The following EXD3 variants were observed in gnomAD, a reference collection of about 807,000 sequenced individuals.
The protein encoded by EXD3 is exonuclease 3'-5' domain containing 3, also known as exonuclease mut-7 homolog.
Under a neutral mutation model 98.0 loss-of-function variants are expected in EXD3, and 92 were observed. The ratio of observed to expected loss-of-function variants is 0.94; its 90% confidence interval spans 0.79 to 1.12. The LOEUF is 1.12. Ranked by LOEUF, EXD3 falls within the 50% of genes most tolerant of loss-of-function variation. The pLI is 0.00. For missense variants in EXD3, 1,222 were observed against 1,191.6 expected, an observed-to-expected ratio of 1.03 and a Z score of -0.38; for synonymous variants, 569 against 526.0, an observed-to-expected ratio of 1.08 and a Z score of -1.12.
intron 17 of EXD3, chr9:137,343,461 G>C (rs1256916365): frequency 6.6e-6 from 1 of 151,134 alleles, no homozygotes; most frequent in Non-Finnish European, 1.5e-5. Flanking sequence ...GCAGTGCTTG[G>C]AAGTAGCAAA....
At chr9:137,400,540 T>C (rs11522299) in intron 1 of EXD3, among the ~76,000 whole-genome samples, 123,715 of 152,104 alleles carry the variant, frequency 0.81, 50,682 homozygotes, top group East Asian at 0.98. Context: ...CCGAGGAGGG[T>C]GGATCACCTG....
intron 7 of EXD3, chr9:137,365,808 T>G (rs546182879): frequency 3.0e-6 from 1 of 334,546 alleles, no homozygotes; most frequent in Non-Finnish European, 5.8e-6. Context: ...CACACACATG[T>G]ACACATCATA....
intron 3 of EXD3, among the ~76,000 whole-genome samples, chr9:137,380,404 AC>A (rs2131709540): frequency 5.6e-5 from 1 of 17,858 alleles, no homozygotes; most frequent in Non-Finnish European, 1.0e-4. Flanking sequence ...CTCCTCCCCA[AC>A]CCCCCTCCAG....
chr9:137,327,639 C>G (rs1381785430), intron 17 of EXD3, among the ~76,000 whole-genome samples: 2 of 149,992 alleles, frequency 1.3e-5, no homozygotes, highest in Non-Finnish European at 1.5e-5. Context: ...AATATACACC[C>G]ATATGATGAG....
chr9:137,352,491 G>T, intron 11 of EXD3, 129 bp downstream of exon 11: 1 of 1,023,022 alleles, frequency 9.8e-7, no homozygotes, highest in Non-Finnish European at 1.4e-6. Flanking sequence ...GTATAGCTGC[G>T]CTCTTTGTTT....
At chr9:137,376,151 T>C (rs1835887397) in intron 3 of EXD3, among the ~76,000 whole-genome samples, 2 of 151,776 alleles carry the variant, frequency 1.3e-5, no homozygotes, top group African/African-American at 4.8e-5. Context: ...GAGACCAGCC[T>C]GGCTAACACA....
At chr9:137,314,940 C>G (rs1831564071) in intron 19 of EXD3, among the ~76,000 whole-genome samples, 1 of 152,202 alleles carries the variant, frequency 6.6e-6, no homozygotes, top group Admixed American at 6.5e-5. Flanking sequence ...GCACCAGGGA[C>G]ACGGGCGTCT....
chr9:137,352,960 C>A (rs891185280), intron 10 of EXD3, 174 bp from the exon 11 acceptor site: 8 of 1,413,640 alleles, frequency 5.7e-6, no homozygotes, highest in Non-Finnish European at 7.3e-6. Flanking sequence ...GTCAAGGTTC[C>A]ACAGGACCAA....
chr9:137,346,997 G>A (rs975291090), intron 17 of EXD3, among the ~76,000 whole-genome samples: 3 of 152,060 alleles, frequency 2.0e-5, no homozygotes, highest in Admixed American at 1.3e-4. Flanking sequence ...TGTATTTTTA[G>A]GAGAGACAGG....
At chr9:137,398,887 C>A (rs1837352090) in intron 1 of EXD3, among the ~76,000 whole-genome samples, 3 of 151,478 alleles carry the variant, frequency 2.0e-5, no homozygotes, top group Non-Finnish European at 4.4e-5. Flanking sequence ...GACACACATG[C>A]ACCCGCGTCC....
Position 137,373,016 on chromosome 9 carries a change from G to T in EXD3, c.351C>A (p.Ser117Arg). 1.2e-6 allele frequency: 2 copies of T among 1,604,758 alleles called. No homozygotes were observed. Among genetic ancestry groups the T allele is most frequent in the Non-Finnish European group, 1.7e-6 (2 of 1,178,860 alleles). Residue 117 changes from serine to arginine, a missense_variant, in exon 5 of 22, where the codon AGC becomes AGA. By Grantham distance (110) the Ser-to-Arg change is moderately radical (BLOSUM62 -1). Coordinates refer to ENST00000340951, the MANE Select transcript of EXD3 (RefSeq NM_017820.5). Reference protein sequence around the residue: ...QARAVKVLTESPPSLAAPLAS... With the variant: ...QARAVKVLTERPPSLAAPLAS... ...CCAGTGGTGCCGCAAGGCTGGGGGG[G>T]CTCTCAGTGAGGACTTTGACCGCTC...
chr9:137,365,665 C>T (rs561399909), intron 7 of EXD3: 54 of 250,784 alleles, frequency 2.2e-4, no homozygotes, highest in African/African-American at 7.4e-4. Flanking sequence ...ACACACCACA[C>T]GCACACACAT....
intron 17 of EXD3, chr9:137,345,953 C>T (rs916811984): frequency 2.0e-5 from 3 of 151,944 alleles, no homozygotes; most frequent in African/African-American, 7.2e-5. Context: ...ATACAGAATT[C>T]ACTAAGAGCT....
chr9:137,393,066 G>T lies in EXD3; in HGVS notation c.55+2237C>A. The T allele has an allele frequency of 1.6e-6, 1 of 644,346 alleles. No individual in the cohort carries two copies. Among genetic ancestry groups the T allele is most frequent in the Non-Finnish European group, 2.8e-6 (1 of 363,282 alleles). 39.9% of individuals were successfully genotyped at this position (644,346 alleles called of 1,614,324 possible). A position where few individuals can be genotyped will look rare whatever the true frequency, so the allele number is the denominator to read the frequency against. On this transcript the variant is annotated intron_variant, in intron 2 of 21. Transcript: ENST00000340951. The surrounding 1 kb of genome is among the most constrained non-coding windows in gnomAD (Gnocchi z 4.6). ...CCAGGGGGTGCTGAGGCTGTTCCAG[G>T]GGGCACCGAGGCTGTTCTCGGTGGG...
intron 1 of EXD3, among the ~76,000 whole-genome samples, chr9:137,414,549 A>G (rs1052561438): frequency 8.5e-5 from 13 of 152,066 alleles, no homozygotes; most frequent in African/African-American, 3.1e-4. Context: ...TCCACAGTGG[A>G]CGTGCCATTT....
intron 1 of EXD3, among the ~76,000 whole-genome samples, chr9:137,415,707 C>T (rs541980607): frequency 2.0e-5 from 3 of 152,336 alleles, no homozygotes; most frequent in East Asian, 3.9e-4. Flanking sequence ...CCATCACAGA[C>T]GGGGCTGGGG....
intron 17 of EXD3, among the ~76,000 whole-genome samples, chr9:137,325,617 G>C (rs1045470374): frequency 2.6e-5 from 4 of 152,038 alleles, no homozygotes; most frequent in African/African-American, 9.7e-5. Flanking sequence ...ATTTTTAGTA[G>C]AGACGGGGTT....
At position 137,309,644 on chromosome 9, in the gene EXD3, C is replaced by T. The variant is rs1564459006; in HGVS notation, c.2241G>A (p.Met747Ile). The stretch of plus-strand genomic sequence containing the variant: ...GCCCCTCCTGGTGACTGCTGAGCCA[C>T]ATGAGCTGCTTCATCATGTCCCTGG... ...KVSRDMMKQLMWLSSHQEGPR... is the reference protein window; with the variant it reads ...KVSRDMMKQLIWLSSHQEGPR... Residue 747 changes from methionine to isoleucine, a missense_variant, in exon 20 of 22, where the codon ATG becomes ATA. Physicochemically the swap from Met to Ile is conservative, Grantham distance 10 (BLOSUM62 1). Transcript: ENST00000340951. The T allele has an allele frequency of 6.4e-7, 1 of 1,563,476 alleles. No homozygotes were observed. Among genetic ancestry groups the T allele is most frequent in the Admixed American group, 1.9e-5 (1 of 52,730 alleles).
rs373326740 is a variant in EXD3 at position 137,331,987 on chromosome 9, A to AAC, written c.1999-7846_1999-7845dup. 4.4e-3 allele frequency among the ~76,000 whole-genome samples: 673 copies of AAC among 151,368 alleles called. 8 individuals are homozygous for AAC. The highest frequency in any genetic ancestry group is 0.025 in the East Asian group (128 of 5,178). ...CTTTTTACAATATCTGCGCAACGACAACACACACACACACACAGAACAAAC... is the reference window on the plus strand; with the variant it reads ...CTTTTTACAATATCTGCGCAACGACAACACACACACACACACACAGAACAAAC... On this transcript the variant is annotated intron_variant, in intron 17 of 21. Coordinates refer to ENST00000340951, the MANE Select transcript of EXD3 (RefSeq NM_017820.5).
Sources: allele counts gnomAD v4.1 joint callset (sites outside exome capture counted in the v4.1 genomes callset), GRCh38; gene constraint gnomAD v4.1.1; non-coding constraint Gnocchi (gnomAD v3.1); transcripts MANE v1.5; gene names NCBI Gene and HGNC (gene_info 2026-07-23, HGNC 2026-07-21).